The following FHIT variants were observed in gnomAD, a reference collection of about 807,000 sequenced individuals.
FHIT encodes the protein fragile histidine triad diadenosine triphosphatase, also known as bis(5'-adenosyl)-triphosphatase.
In FHIT, 19 loss-of-function variants were observed where a neutral mutation model predicts 17.9. That is an observed-to-expected ratio of 1.06 (90% CI 0.74 to 1.56). FHIT has a LOEUF of 1.56. Among genes scored for constraint, FHIT ranks in the 40% most tolerant of loss-of-function variants. The pLI is 0.00. For missense variants in FHIT, 248 were observed against 189.2 expected (o/e 1.31, Z -1.82); for synonymous variants, 81 against 69.7 (o/e 1.16, Z -0.81).
At chr3:60,402,028 A>C (rs1308957377) in intron 5 of FHIT, among the ~76,000 whole-genome samples, 1 of 152,130 alleles carries the variant, frequency 6.6e-6, no homozygotes, top group Non-Finnish European at 1.5e-5. Flanking sequence ...AACTCCAGAC[A>C]CAAAATGCAT....
At chr3:59,896,557 G>A (rs1204649462) in intron 8 of FHIT, among the ~76,000 whole-genome samples, 1 of 152,084 alleles carries the variant, frequency 6.6e-6, no homozygotes, top group Non-Finnish European at 1.5e-5. Flanking sequence ...TTCTCTTTAT[G>A]AGTACTAAAT....
chr3:60,211,172 G>A (rs1029818964), intron 5 of FHIT, among the ~76,000 whole-genome samples: 26 of 150,658 alleles, frequency 1.7e-4, no homozygotes, highest in African/African-American at 5.6e-4. Context: ...TCTAAAGAAC[G>A]AAAGAAAGTT....
chr3:60,301,379 T>C (rs1011575373), intron 5 of FHIT, among the ~76,000 whole-genome samples: 1 of 152,156 alleles, frequency 6.6e-6, no homozygotes, highest in Non-Finnish European at 1.5e-5. Flanking sequence ...TTATGACTCA[T>C]GAAACAAGTA....
At chr3:60,714,599 A>T (rs2041631348) in intron 4 of FHIT, among the ~76,000 whole-genome samples, 1 of 152,196 alleles carries the variant, frequency 6.6e-6, no homozygotes, top group East Asian at 1.9e-4. Context: ...CAGGATACAA[A>T]ATCAATGTAC....
At chr3:60,920,424 G>T (rs147650859) in intron 3 of FHIT, among the ~76,000 whole-genome samples, 1 of 152,038 alleles carries the variant, frequency 6.6e-6, no homozygotes, top group East Asian at 1.9e-4. Context: ...TACTTCAAAG[G>T]CATACAAAGA....
intron 4 of FHIT, among the ~76,000 whole-genome samples, chr3:60,606,759 C>CCACT (rs1465830862): frequency 6.6e-6 from 1 of 152,114 alleles, no homozygotes; most frequent in Non-Finnish European, 1.5e-5. Flanking sequence ...GAGTGACATG[C>CCACT]CACTCACTCA....
intron 3 of FHIT, among the ~76,000 whole-genome samples, chr3:60,909,897 T>TA (rs1367028782): frequency 2.0e-5 from 3 of 152,188 alleles, no homozygotes; most frequent in Non-Finnish European, 4.4e-5. Flanking sequence ...TCTTTGCTCT[T>TA]ACCAAGGTTG....
chr3:60,390,216 C>G (rs1386639607), intron 5 of FHIT, among the ~76,000 whole-genome samples: 3 of 151,810 alleles, frequency 2.0e-5, no homozygotes, highest in Non-Finnish European at 4.4e-5. Flanking sequence ...ATATGGGTAT[C>G]AGTATATGGA....
intron 5 of FHIT, among the ~76,000 whole-genome samples, chr3:60,450,028 A>G (rs1009589909): frequency 1.3e-5 from 2 of 150,150 alleles, no homozygotes; most frequent in Non-Finnish European, 3.0e-5. Flanking sequence ...AAAAAGGCAT[A>G]AAAGGTAGAA....
At chr3:59,971,835 C>G (rs113652653) in intron 7 of FHIT, among the ~76,000 whole-genome samples, 1 of 152,080 alleles carries the variant, frequency 6.6e-6, no homozygotes, top group East Asian at 1.9e-4. Flanking sequence ...GCAGATGAAA[C>G]GAGTTACCAC....
Position 60,094,990 on chromosome 3 carries a change from A to C in FHIT, c.104-80838T>G, listed in dbSNP as rs1230952589. 2.0e-5 allele frequency among the ~76,000 whole-genome samples: 3 copies of C among 152,196 alleles called. No homozygotes were observed. The East Asian group carries it at 5.8e-4, about 29-fold the overall frequency. ...GTCTTGATCATGATCAGAAGCAGGG[A>C]ATTATTTTTTAATATCTGTTTTACA... On this transcript the variant is annotated intron_variant, in intron 5 of 9. Transcript: ENST00000492590.
intron 1 of FHIT, among the ~76,000 whole-genome samples, chr3:61,204,628 A>C: frequency 8.0e-6 from 1 of 125,256 alleles, no homozygotes; most frequent in East Asian, 2.8e-4. Flanking sequence ...TTAAAATTTT[A>C]TCAAAACGAA....
chr3:60,661,496 T>C (rs2040246573), intron 4 of FHIT, among the ~76,000 whole-genome samples: 3 of 152,234 alleles, frequency 2.0e-5, no homozygotes, highest in South Asian at 4.1e-4. Context: ...CAATTGGAAA[T>C]TGTGCTGCTA....
At chr3:60,507,184 G>A (rs755725370) in intron 5 of FHIT, among the ~76,000 whole-genome samples, 87 of 152,200 alleles carry the variant, frequency 5.7e-4, no homozygotes, top group Non-Finnish European at 1.1e-3. Flanking sequence ...GAAGGGATAC[G>A]TGAGTTGGCA....
chr3:61,155,273 G>T (rs2037502559), intron 2 of FHIT, among the ~76,000 whole-genome samples: 1 of 152,104 alleles, frequency 6.6e-6, no homozygotes, highest in African/African-American at 2.4e-5. Flanking sequence ...ATTCAATGTG[G>T]TGCTGACCTT....
At chr3:59,925,020 C>T (rs1190842135) in intron 7 of FHIT, among the ~76,000 whole-genome samples, 1 of 132,278 alleles carries the variant, frequency 7.6e-6, no homozygotes, top group Admixed American at 8.8e-5. Flanking sequence ...TTGTTTTTTC[C>T]TCTTTTTTTT....
chr3:60,036,504 G>C (rs563648506), intron 5 of FHIT, among the ~76,000 whole-genome samples: 7 of 152,178 alleles, frequency 4.6e-5, no homozygotes, highest in Admixed American at 3.9e-4. Context: ...GAATACCCTG[G>C]AGGCTAGTAA....
intron 2 of FHIT, among the ~76,000 whole-genome samples, chr3:61,063,623 T>C (rs113552258): frequency 0.017 from 2,541 of 152,152 alleles, 61 homozygotes; most frequent in African/African-American, 0.056. Context: ...AGACCAAGGT[T>C]CACAAACACA....
At chr3:60,079,012 G>T (rs943621724) in intron 5 of FHIT, among the ~76,000 whole-genome samples, 1 of 152,202 alleles carries the variant, frequency 6.6e-6, no homozygotes, top group South Asian at 2.1e-4. Flanking sequence ...TTGAACAAGT[G>T]ACTTGTCTTC....
Sources: allele counts gnomAD v4.1 joint callset (sites outside exome capture counted in the v4.1 genomes callset), GRCh38; gene constraint gnomAD v4.1.1; transcripts MANE v1.5; gene names NCBI Gene and HGNC (gene_info 2026-07-23, HGNC 2026-07-21).